Variants in IMPA2 observed in about 807,000 individuals in gnomAD.
IMPA2 encodes the protein inositol monophosphatase 2, also known as IMP 2.
Under a neutral mutation model 35.1 loss-of-function variants are expected in IMPA2, and 32 were observed. That is an observed-to-expected ratio of 0.91 (90% CI 0.69 to 1.23). The LOEUF is 1.23. IMPA2 is among the 50% of genes most tolerant of loss of function. IMPA2 has a pLI of 0.00. For missense variants in IMPA2, 334 were observed against 387.6 expected (o/e 0.86, Z 1.16); for synonymous variants, 135 against 160.6 (o/e 0.84, Z 1.20).
rs1906803873 is a variant in IMPA2 at position 11,991,217 on chromosome 18, TG to T, written c.97-7834del. On this transcript the variant is annotated intron_variant, in intron 1 of 7. Coordinates refer to ENST00000269159, the MANE Select transcript of IMPA2 (RefSeq NM_014214.3). The surrounding 1 kb of genome is among the most constrained non-coding windows in gnomAD (Gnocchi z 4.1). ...GAACACAGGGAATGCAGCTGGGATG[TG>T]GGTGACGGGTGGCTGCTGGCATTGG... Among the ~76,000 whole-genome samples the T allele has an allele frequency of 6.6e-6, 1 of 152,064 alleles. No individual in the cohort carries two copies.
At chr18:11,982,430 G>C (rs1190367403) in intron 1 of IMPA2, among the ~76,000 whole-genome samples, 1 of 152,170 alleles carries the variant, frequency 6.6e-6, no homozygotes, top group Non-Finnish European at 1.5e-5. Context: ...ACACACCGAC[G>C]GTAGTGGTAG....
Position 12,028,895 on chromosome 18 carries a change from C to T in IMPA2, c.653C>T (p.Ala218Val). 1 of 1,614,198 alleles carries T rather than the reference C, an allele frequency of 6.2e-7. No individual in the cohort carries two copies. Among genetic ancestry groups the T allele is most frequent in the East Asian group, 2.2e-5 (1 of 44,872 alleles). Residue 218 changes from alanine to valine, a missense_variant, in exon 7 of 8, where the codon GCC (alanine) becomes GTC (valine). By Grantham distance (64) the Ala-to-Val change is moderately conservative. Transcript: ENST00000269159. The stretch of plus-strand genomic sequence containing the variant: ...GCACTCTGCCACCTGGCCTCAGGGG[C>T]CGCGGATGCCTATTACCAGTTTGGC... Reference protein sequence around the residue: ...TLALCHLASGAADAYYQFGLH... With the variant: ...TLALCHLASGVADAYYQFGLH...
At chr18:12,030,232 C>T (rs751051120) in intron 7 of IMPA2, 111 bp from the exon 8 acceptor site, 28 of 765,414 alleles carry the variant, frequency 3.7e-5, no homozygotes, top group African/African-American at 5.2e-5. Flanking sequence ...GGCTTGGGCA[C>T]GGTTCCATGT....
At chr18:12,012,470 T>G in intron 4 of IMPA2, 1 of 516,780 alleles carries the variant, frequency 1.9e-6, no homozygotes. Flanking sequence ...CGTGGTCTAT[T>G]TGTGACACTG....
intron 2 of IMPA2, among the ~76,000 whole-genome samples, chr18:12,000,197 G>A (rs2143791585): frequency 6.6e-6 from 1 of 152,160 alleles, no homozygotes. Context: ...TTAAGAGATA[G>A]GGTCTTGCTC....
intron 4 of IMPA2, among the ~76,000 whole-genome samples, chr18:12,013,180 G>A (rs1281306763): frequency 2.6e-5 from 4 of 152,164 alleles, no homozygotes; most frequent in Non-Finnish European, 5.9e-5. Flanking sequence ...TCTGTCCTAT[G>A]TTACTACACT....
chr18:11,985,720 G>A (rs1906646781), intron 1 of IMPA2, among the ~76,000 whole-genome samples: 1 of 152,166 alleles, frequency 6.6e-6, no homozygotes. Context: ...CATGCCAGGT[G>A]GGTCGGCGTG....
Position 11,999,147 on chromosome 18 carries a change from T to G in IMPA2, c.190T>G (p.Leu64Val). 1 of 1,613,800 alleles carries G rather than the reference T, an allele frequency of 6.2e-7. No individual in the cohort carries two copies. The highest frequency in any genetic ancestry group is 8.5e-7 in the Non-Finnish European group (1 of 1,179,878). Residue 64 changes from leucine to valine, a missense_variant, in exon 2 of 8, where the codon TTA (leucine) becomes GTA (valine). Leu to Val is a conservative substitution (Grantham distance 32). Coordinates refer to ENST00000269159, the MANE Select transcript of IMPA2 (RefSeq NM_014214.3). ...VTETDHLVED[L>V]IISELRERFP... ...AGAAACAGATCACCTTGTGGAAGAT[T>G]TAATTATTTCTGAGTTGCGAGAGAG... is the stretch of plus-strand genomic sequence containing the variant.
chr18:11,984,392 A>T (rs1023484860), intron 1 of IMPA2, among the ~76,000 whole-genome samples: 2 of 152,202 alleles, frequency 1.3e-5, no homozygotes, highest in Non-Finnish European at 2.9e-5. Flanking sequence ...CCAAGTACAG[A>T]TGACAGTATT....
At chr18:12,009,457 G>A (rs527930588) in intron 2 of IMPA2, among the ~76,000 whole-genome samples, 1 of 152,288 alleles carries the variant, frequency 6.6e-6, no homozygotes, top group East Asian at 1.9e-4. Context: ...TCGGTGCCCA[G>A]GTATCAGCAT....
chr18:12,007,054 C>T (rs3786288), intron 2 of IMPA2, among the ~76,000 whole-genome samples: 21,944 of 152,144 alleles, frequency 0.14, 1,814 homozygotes, highest in African/African-American at 0.22. Context: ...TGCTTGAACC[C>T]GGGAGGCAGA....
At chr18:12,012,118 G>A (rs1193489840) in intron 3 of IMPA2, 52 bp from the exon 4 acceptor site, 23 of 1,572,464 alleles carry the variant, frequency 1.5e-5, no homozygotes, top group East Asian at 4.5e-5. Flanking sequence ...ACAGGCTCCC[G>A]AGAGCTGCCG....
intron 1 of IMPA2, among the ~76,000 whole-genome samples, chr18:11,986,657 C>G (rs16976887): frequency 6.6e-6 from 1 of 152,078 alleles, no homozygotes; most frequent in Non-Finnish European, 1.5e-5. Flanking sequence ...TAATGAGTGA[C>G]GTAACACTGA....
intron 5 of IMPA2, among the ~76,000 whole-genome samples, chr18:12,027,320 G>A (rs1031981053): frequency 6.6e-6 from 1 of 152,138 alleles, no homozygotes; most frequent in African/African-American, 2.4e-5. Flanking sequence ...TGGCAGCCTC[G>A]CCTGCTGTTA....
intron 5 of IMPA2, among the ~76,000 whole-genome samples, chr18:12,019,427 T>C (rs1390145438): frequency 6.6e-6 from 1 of 150,886 alleles, no homozygotes; most frequent in Non-Finnish European, 1.5e-5. Flanking sequence ...CTAATTTTTT[T>C]TTTTTTTTTT....
At chr18:11,984,881 T>C (rs1030249790) in intron 1 of IMPA2, among the ~76,000 whole-genome samples, 11 of 147,862 alleles carry the variant, frequency 7.4e-5, no homozygotes, top group African/African-American at 1.5e-4. Context: ...GGCAGGAGAA[T>C]GGCGTGAACC....
Position 12,028,887 on chromosome 18 carries a change from C to G in IMPA2, c.645C>G (p.Ala215=), listed in dbSNP as rs745829278. 2 of 1,614,208 alleles carry G rather than the reference C, an allele frequency of 1.2e-6. No individual in the cohort carries two copies. Among genetic ancestry groups the G allele is most frequent in the African/African-American group, 1.3e-5 (1 of 75,050 alleles). Residue 215 remains alanine, a synonymous_variant, in exon 7 of 8, where the codon GCC becomes GCG. Coordinates refer to ENST00000269159, the MANE Select transcript of IMPA2 (RefSeq NM_014214.3). ...GSSTLALCHL[A]SGAADAYYQF... is the part of the protein sequence containing the mutation. Reference sequence around the variant, plus strand: ...CCACATTGGCACTCTGCCACCTGGCCTCAGGGGCCGCGGATGCCTATTACC... The same window carrying G: ...CCACATTGGCACTCTGCCACCTGGCGTCAGGGGCCGCGGATGCCTATTACC...
chr18:11,986,966 AG>A (rs1409212341), intron 1 of IMPA2, among the ~76,000 whole-genome samples: 1 of 150,366 alleles, frequency 6.7e-6, no homozygotes, highest in Non-Finnish European at 1.5e-5. Flanking sequence ...TTTTCGTTAA[AG>A]AATGTTTTGT....
intron 2 of IMPA2, among the ~76,000 whole-genome samples, chr18:12,004,505 G>A (rs1907199778): frequency 1.3e-5 from 2 of 149,712 alleles, no homozygotes; most frequent in Admixed American, 1.3e-4. Flanking sequence ...ATTTAGTCAT[G>A]TGCATTTTTT....
Sources: gnomAD v4.1 joint callset for allele counts (sites outside exome capture counted in the v4.1 genomes callset) on GRCh38, gnomAD v4.1.1 for gene constraint, Gnocchi (gnomAD v3.1) non-coding constraint, MANE v1.5 for transcripts, NCBI Gene and HGNC (gene_info 2026-07-23, HGNC 2026-07-21) for gene names.